PDZD2: variants seen among roughly 807,000 people sequenced by gnomAD.
PDZD2 encodes the protein PDZ domain-containing protein 2.
In PDZD2, 90 loss-of-function variants were observed where a neutral mutation model predicts 220.7. The ratio of observed to expected loss-of-function variants is 0.41; its 90% CI spans 0.34 to 0.49. The LOEUF is 0.49. PDZD2 is among the 20% of genes least tolerant of loss of function. The pLI is 0.28. For synonymous variants in PDZD2, 1,375 were observed against 1,450.5 expected, an observed-to-expected ratio of 0.95 and a Z score of 1.18; for missense variants, 3,174 against 3,608.5, an observed-to-expected ratio of 0.88 and a Z score of 3.08.
chr5:31,929,918 G>A (rs566543411), intron 2 of PDZD2, among the ~76,000 whole-genome samples: 15 of 152,264 alleles, frequency 9.9e-5, no homozygotes, highest in East Asian at 3.9e-4. Context: ...AGGATCCCCC[G>A]TGAATGGCTG....
chr5:31,656,326 C>T (rs1561366328), intron 1 of PDZD2, among the ~76,000 whole-genome samples: 1 of 152,134 alleles, frequency 6.6e-6, no homozygotes, highest in South Asian at 2.1e-4. Context: ...TGGCAGCCTC[C>T]CCCGGAACAC....
chr5:32,056,329 GCA>G (rs35209411), intron 10 of PDZD2, among the ~76,000 whole-genome samples: 45,786 of 151,970 alleles, frequency 0.3, 7,873 homozygotes, highest in East Asian at 0.41. Flanking sequence ...CTTGAATTGT[GCA>G]CACAGTGTGC....
At chr5:31,957,437 G>T (rs1747815411) in intron 2 of PDZD2, among the ~76,000 whole-genome samples, 1 of 152,162 alleles carries the variant, frequency 6.6e-6, no homozygotes, top group South Asian at 2.1e-4. Context: ...ATTCATACAT[G>T]AACGAGTCAA....
At chr5:31,769,429 C>T (rs993344614) in intron 1 of PDZD2, among the ~76,000 whole-genome samples, 6 of 152,174 alleles carry the variant, frequency 3.9e-5, no homozygotes, top group Admixed American at 1.3e-4. Flanking sequence ...AAATGTTTCC[C>T]GATTACGAAT....
Position 32,069,637 on chromosome 5 carries a change from C to G in PDZD2, c.2520C>G (p.Ser840=). 1 of 1,531,432 alleles carries G rather than the reference C, an allele frequency of 6.5e-7. No individual in the cohort carries two copies. Among genetic ancestry groups the G allele is most frequent in the Non-Finnish European group, 9.1e-7 (1 of 1,104,372 alleles). The allele number at this position is 1,531,432 out of a possible 1,614,324, so 94.9% of individuals were successfully genotyped here. Residue 840 remains serine, a synonymous_variant, in exon 15 of 25, where the codon TCC becomes TCG. Coordinates refer to ENST00000438447, the MANE Select transcript of PDZD2 (RefSeq NM_178140.4). ...ATCAGGAGAGCAAAGAGGCCAATTC[C>G]TCTCCTGGCTTAGGTACTGTAATCT... ...STYQESKEAN[S]SPGLGTPLKS... is the part of the protein sequence containing the mutation.
chr5:31,670,510 G>A (rs1746173620), intron 1 of PDZD2, among the ~76,000 whole-genome samples: 4 of 152,140 alleles, frequency 2.6e-5, no homozygotes, highest in African/African-American at 9.6e-5. Flanking sequence ...TCCGCCTCCC[G>A]GGTTCAAACG....
chr5:31,745,809 A>ATTT (rs59613880), intron 1 of PDZD2, among the ~76,000 whole-genome samples: 75 of 143,198 alleles, frequency 5.2e-4, no homozygotes, highest in African/African-American at 1.5e-3. Context: ...CATGTAAATG[A>ATTT]TTTTTTTTTT....
intron 7 of PDZD2, among the ~76,000 whole-genome samples, chr5:32,038,539 TAACAAAA>T (rs543148357): frequency 6.3e-4 from 95 of 151,960 alleles, no homozygotes; most frequent in Non-Finnish European, 1.2e-3. Flanking sequence ...CCTCTCAAAA[TAACAAAA>T]AACAAAAAAA....
At chr5:32,069,704 C>A in intron 15 of PDZD2, 54 bp downstream of exon 15, 1 of 860,286 alleles carries the variant, frequency 1.2e-6, no homozygotes, top group South Asian at 1.4e-5. Flanking sequence ...TCATTAAGTT[C>A]ACCCACAGGC....
Position 31,799,230 on chromosome 5 carries a change from G to T in PDZD2, c.-19G>T. The T allele has an allele frequency of 6.5e-7, 1 of 1,532,652 alleles. No homozygotes were observed. Among genetic ancestry groups the T allele is most frequent in the Non-Finnish European group, 8.9e-7 (1 of 1,123,058 alleles). The allele number at this position is 1,532,652 out of a possible 1,614,324, so 94.9% of individuals were successfully genotyped here. A position where few individuals can be genotyped will look rare whatever the true frequency, so the allele number is the denominator to read the frequency against. On this transcript the variant is annotated 5_prime_UTR_variant, in exon 2 of 25. Transcript: ENST00000438447. ...AGGAGCAAGACCTCTGATGATGCTG[G>T]TGTCTGGGAGTGAGCACCATGCCCA...
At chr5:31,645,666 T>C (rs1401186018) in intron 1 of PDZD2, among the ~76,000 whole-genome samples, 2 of 152,124 alleles carry the variant, frequency 1.3e-5, no homozygotes, top group Non-Finnish European at 2.9e-5. Context: ...TGGACACCTC[T>C]AGTACTTGGC....
intron 5 of PDZD2, among the ~76,000 whole-genome samples, chr5:32,009,463 C>T (rs1400766439): frequency 6.6e-6 from 1 of 152,064 alleles, no homozygotes; most frequent in African/African-American, 2.4e-5. Context: ...TGCGGTGACT[C>T]ACTCCTGTAA....
intron 1 of PDZD2, among the ~76,000 whole-genome samples, chr5:31,785,638 G>A (rs536285569): frequency 3.3e-5 from 5 of 151,826 alleles, no homozygotes; most frequent in Admixed American, 6.6e-5. Context: ...ACAGGGTCTC[G>A]CCATGTTGCC....
At chr5:31,914,664 C>G (rs1453958656) in intron 2 of PDZD2, among the ~76,000 whole-genome samples, 1 of 152,208 alleles carries the variant, frequency 6.6e-6, no homozygotes, top group East Asian at 1.9e-4. Flanking sequence ...AGAAAGGGTA[C>G]TCCAATGAAA....
intron 1 of PDZD2, among the ~76,000 whole-genome samples, chr5:31,650,118 T>G (rs573402217): frequency 7.9e-5 from 12 of 152,114 alleles, no homozygotes; most frequent in Non-Finnish European, 1.8e-4. Context: ...GTTAATAATC[T>G]GAGTGAGTAT....
intron 1 of PDZD2, among the ~76,000 whole-genome samples, chr5:31,695,501 G>A (rs963854935): frequency 6.6e-6 from 1 of 152,126 alleles, no homozygotes; most frequent in Non-Finnish European, 1.5e-5. Context: ...AGTTTTTATT[G>A]AAAATATTGA....
At chr5:31,678,038 C>A (rs1561378724) in intron 1 of PDZD2, among the ~76,000 whole-genome samples, 1 of 152,086 alleles carries the variant, frequency 6.6e-6, no homozygotes, top group Non-Finnish European at 1.5e-5. Context: ...AGTTAGCAAA[C>A]CTGTATGCTT....
chr5:31,756,850 G>A (rs1751331366), intron 1 of PDZD2, among the ~76,000 whole-genome samples: 1 of 152,276 alleles, frequency 6.6e-6, no homozygotes, highest in South Asian at 2.1e-4. Context: ...CCCTAGGGCA[G>A]GCATTGGAAG....
intron 7 of PDZD2, among the ~76,000 whole-genome samples, chr5:32,046,886 TA>T (rs1303166915): frequency 6.6e-6 from 1 of 151,606 alleles, no homozygotes; most frequent in East Asian, 1.9e-4. Flanking sequence ...CTACTAAAAA[TA>T]AAAAAATTAG....
Sources: allele counts gnomAD v4.1 joint callset (sites outside exome capture counted in the v4.1 genomes callset), GRCh38; gene constraint gnomAD v4.1.1; transcripts MANE v1.5; gene names NCBI Gene and HGNC (gene_info 2026-07-23, HGNC 2026-07-21).